TPTE2: variants seen among roughly 807,000 people sequenced by gnomAD.
The protein encoded by TPTE2 is transmembrane phosphoinositide 3-phosphatase and tensin homolog 2.
TPTE2 carries 53 observed loss-of-function variants against 78.6 expected under a neutral mutation model. The ratio of observed to expected loss-of-function variants is 0.67; its 90% confidence interval spans 0.54 to 0.85. The LOEUF (loss-of-function observed/expected upper bound fraction) is 0.85. Among genes scored for constraint, TPTE2 ranks in the 40% least tolerant of loss-of-function variants. The pLI, the probability that TPTE2 is intolerant of heterozygous loss-of-function variation, is 0.00. For synonymous variants in TPTE2, 175 were observed against 206.2 expected (o/e 0.85, Z 1.30); for missense variants, 461 against 623.0 (o/e 0.74, Z 2.77).
intron 4 of TPTE2, among the ~76,000 whole-genome samples, chr13:19,479,104 A>C (rs1476616412): frequency 1.3e-5 from 2 of 152,118 alleles, no homozygotes; most frequent in Non-Finnish European, 2.9e-5. Flanking sequence ...CACATGCATA[A>C]ATATGTAACA....
At chr13:19,547,850 T>C in the TPTE2 span, among the ~76,000 whole-genome samples, 1 of 150,882 alleles carries the variant, frequency 6.6e-6, no homozygotes, top group Non-Finnish European at 1.5e-5. Context: ...CATATCAAAC[T>C]ATCGACAACG....
chr13:19,511,953 G>T lies in TPTE2; in HGVS notation c.-43-8676C>A, dbSNP rs148442405. 2.5e-3 allele frequency among the ~76,000 whole-genome samples: 376 copies of T among 152,232 alleles called. 1 individual carries two copies. The highest frequency in any genetic ancestry group is 8.7e-3 in the African/African-American group (361 of 41,546). On this transcript the variant is annotated intron_variant, in intron 1 of 17. Coordinates refer to the TPTE2 transcript ENST00000390680. Reference sequence around the variant, plus strand: ...AACTAGTGCATGAAAGTTTTATGTGGAACAGGATACTGAACATTGAAGATA... The same window carrying T: ...AACTAGTGCATGAAAGTTTTATGTGTAACAGGATACTGAACATTGAAGATA...
the TPTE2 span, among the ~76,000 whole-genome samples, chr13:19,546,483 C>CTTTTTTT: frequency 6.0e-3 from 514 of 85,014 alleles, 2 homozygotes; most frequent in African/African-American, 0.011. Flanking sequence ...TTTTCTTTTT[C>CTTTTTTT]TTTTTTTTTT....
chr13:19,486,375 T>G lies in TPTE2; in HGVS notation c.120-3828A>C, dbSNP rs1296914741. ...TGCCAGGGGTGGGCTCACTGGGCTG[T>G]TTCTCAGGGTAGGGGTGTGTGCAGG... On this transcript the variant is annotated intron_variant, in intron 3 of 19. Transcript: ENST00000400230. The surrounding 1 kb of genome is among the most constrained non-coding windows in gnomAD (Gnocchi z 4.3). 1.3e-5 allele frequency among the ~76,000 whole-genome samples: 2 copies of G among 152,166 alleles called. No individual in the cohort carries two copies. The highest frequency in any genetic ancestry group is 2.9e-5 in the Non-Finnish European group (2 of 68,018).
rs371368072 is a variant in TPTE2 at position 19,430,554 on chromosome 13, C to A, written c.1223-7G>T. The A allele has an allele frequency of 1.4e-5, 23 of 1,601,760 alleles. No individual in the cohort carries two copies. In the African/African-American group the frequency reaches 3.1e-4, roughly 22 times the overall value. ...TTTAGATCACATACATCACCTGTTC[C>A]AACAAAATGAAATTAAAAAGTTAGG... On this transcript the variant is annotated splice_polypyrimidine_tract_variant and splice_region_variant and intron_variant, in intron 16 of 19. Transcript: ENST00000400230.
At chr13:19,527,750 C>A (rs527997536) in intron 1 of TPTE2, among the ~76,000 whole-genome samples, 38 of 152,258 alleles carry the variant, frequency 2.5e-4, no homozygotes, top group Admixed American at 1.4e-3. Context: ...CCCCTGTGGT[C>A]CCAGCTACTG....
intron 10 of TPTE2, among the ~76,000 whole-genome samples, chr13:19,457,229 T>C (rs921219771): frequency 1.3e-5 from 2 of 152,194 alleles, no homozygotes; most frequent in African/African-American, 4.8e-5. Flanking sequence ...TACTCAGGTA[T>C]AATATCATCA....
chr13:19,547,210 A>G, the TPTE2 span, among the ~76,000 whole-genome samples: 2 of 152,218 alleles, frequency 1.3e-5, no homozygotes, highest in Non-Finnish European at 2.9e-5. Context: ...TAATCCCAAC[A>G]TTCTGGGAGG....
intron 5 of TPTE2, among the ~76,000 whole-genome samples, chr13:19,475,208 T>C (rs1254433203): frequency 6.6e-6 from 1 of 152,126 alleles, no homozygotes; most frequent in Non-Finnish European, 1.5e-5. Context: ...TATAGATGCA[T>C]ATGAGACTCA....
intron 10 of TPTE2, chr13:19,458,586 T>C (rs1283759940): frequency 6.7e-6 from 3 of 448,436 alleles, no homozygotes; most frequent in Non-Finnish European, 9.0e-6. Flanking sequence ...GATAATCCAA[T>C]GGCCTGACCT....
chr13:19,491,152 T>C (rs1291972361), intron 3 of TPTE2, among the ~76,000 whole-genome samples: 2 of 152,216 alleles, frequency 1.3e-5, no homozygotes, highest in Non-Finnish European at 2.9e-5. Context: ...ACATGTATAC[T>C]TTTGTGTGTG....
At chr13:19,463,298 T>C (rs1266011260) in intron 10 of TPTE2, among the ~76,000 whole-genome samples, 1 of 152,196 alleles carries the variant, frequency 6.6e-6, no homozygotes, top group Middle Eastern at 3.2e-3. Context: ...TGTATTTTTA[T>C]TTTATTCCTT....
chr13:19,471,041 C>A (rs1462356040), intron 6 of TPTE2, among the ~76,000 whole-genome samples: 2 of 152,024 alleles, frequency 1.3e-5, no homozygotes, highest in Non-Finnish European at 2.9e-5. Flanking sequence ...TCCTGAGTAG[C>A]TGGGACTACA....
At chr13:19,450,385 A>G in intron 11 of TPTE2, 41 bp from the exon 15 acceptor site, 2 of 1,526,732 alleles carry the variant, frequency 1.3e-6, no homozygotes, top group Non-Finnish European at 1.8e-6. Context: ...TATAGGGAAT[A>G]ACATGATAAA....
At chr13:19,468,268 C>T (rs367913043) in intron 6 of TPTE2, among the ~76,000 whole-genome samples, 14 of 151,622 alleles carry the variant, frequency 9.2e-5, no homozygotes, top group African/African-American at 1.5e-4. Context: ...CTCGAACTCC[C>T]GACTTCAGGT....
intron 10 of TPTE2, among the ~76,000 whole-genome samples, chr13:19,464,056 T>C (rs1256891928): frequency 1.3e-5 from 2 of 151,694 alleles, no homozygotes; most frequent in Admixed American, 6.6e-5. Flanking sequence ...CTCGGGGGGG[T>C]GCACGTAGCA....
intron 1 of TPTE2, among the ~76,000 whole-genome samples, chr13:19,515,391 A>T (rs1869728893): frequency 6.6e-6 from 1 of 152,236 alleles, no homozygotes; most frequent in South Asian, 2.1e-4. Context: ...TGTCTTTAAG[A>T]AAAGTTCTCC....
intron 3 of TPTE2, among the ~76,000 whole-genome samples, chr13:19,487,870 A>G (rs894943805): frequency 3.3e-5 from 5 of 152,188 alleles, no homozygotes; most frequent in Admixed American, 1.3e-4. Flanking sequence ...AGCTTTGTCA[A>G]TTCTTGGCAG....
intron 1 of TPTE2, among the ~76,000 whole-genome samples, chr13:19,497,825 G>A (rs1881485056): frequency 6.6e-6 from 1 of 150,898 alleles, no homozygotes; most frequent in Non-Finnish European, 1.5e-5. Flanking sequence ...GCTGAGAGAA[G>A]AAGGCTTCAG....
Sources: gnomAD v4.1 joint callset for allele counts (sites outside exome capture counted in the v4.1 genomes callset) on GRCh38, gnomAD v4.1.1 for gene constraint, Gnocchi (gnomAD v3.1) non-coding constraint, MANE v1.5 for transcripts, NCBI Gene and HGNC (gene_info 2026-07-23, HGNC 2026-07-21) for gene names.